The following ZBED1 variants were observed in gnomAD, a reference collection of about 807,000 sequenced individuals.
ZBED1 encodes the protein E3 SUMO-protein ligase ZBED1.
ZBED1 carries 19 observed loss-of-function variants against 49.7 expected under a neutral mutation model. The ratio of observed to expected loss-of-function variants is 0.38; its 90% CI spans 0.27 to 0.56. The LOEUF is 0.56. Among genes scored for constraint, ZBED1 ranks in the 20% least tolerant of loss-of-function variants. The probability of loss-of-function intolerance (pLI) is 0.70; values close to 1 mark genes in which losing one functional copy is unlikely to be tolerated. For missense variants in ZBED1, 806 were observed against 972.6 expected, an observed-to-expected ratio of 0.83 and a Z score of 2.28; for synonymous variants, 439 against 440.3, an observed-to-expected ratio of 1.00 and a Z score of 0.04.
chrX:2,490,460 C>T lies in ZBED1; in HGVS notation c.260G>A (p.Arg87His), dbSNP rs2045107171. The change falls in exon 2 of 2, where the codon CGT becomes CAT. Residue 87 changes from arginine to histidine, a missense_variant. Transcript: ENST00000652001. ...GGAGAAGGCGGTGGCGAAGGCTTCA[C>T]GCATCTGCTCCGTGTTGCTCTTGAC... ...EFVKSNTEQMREAFATAFSKL... is the reference protein window; with the variant it reads ...EFVKSNTEQMHEAFATAFSKL... 1.9e-6 allele frequency: 3 copies of T among 1,613,858 alleles called. No homozygotes were observed. The highest frequency in any genetic ancestry group is 1.3e-5 in the African/African-American group (1 of 74,924).
intron 1 of ZBED1, among the ~76,000 whole-genome samples, chrX:2,499,322 C>A (rs897453743): frequency 4.6e-5 from 7 of 152,170 alleles, no homozygotes; most frequent in African/African-American, 7.2e-5. Flanking sequence ...ACATTCAGGG[C>A]AACGTACACC....
Position 2,489,808 on chromosome X carries a change from C to A in ZBED1, c.912G>T (p.Gln304His), listed in dbSNP as rs1330492207. The change falls in exon 2 of 2, where the codon CAG becomes CAT. Residue 304 changes from glutamine to histidine, a missense_variant. Physicochemically the swap from Gln to His is conservative, Grantham distance 24. Around this residue, in one of 2 missense-constraint regions of ZBED1, gnomAD observed 749 missense variants for 861.3 expected, o/e 0.87. Transcript: ENST00000652001. ...ACAGCAGCGCCCCCAGCTTCGGGAGCTGGAAGGCCTGCTGGATGCCGGCAT... is the reference window on the plus strand; with the variant it reads ...ACAGCAGCGCCCCCAGCTTCGGGAGATGGAAGGCCTGCTGGATGCCGGCAT... ...TFNAGIQQAFQLPKLGALLSR... is the reference protein window; with the variant it reads ...TFNAGIQQAFHLPKLGALLSR... 11 of 1,613,448 alleles carry A rather than the reference C, an allele frequency of 6.8e-6. No homozygotes were observed. Among genetic ancestry groups the A allele is most frequent in the African/African-American group, 1.3e-5 (1 of 74,934 alleles).
rs2045093950 is a variant in ZBED1, at chrX:2,490,175, T to A, written c.545A>T (p.Glu182Val). ...CTCGGCCAGCTCCTTCAGGATCACC[T>A]CCCGGACGGCCCCGTACTTCTCAGG... ...AIPEKYGAVR[E>V]VILKELAEAT... The change falls in exon 2 of 2, where the codon GAG becomes GTG. Residue 182 changes from glutamate (E) to valine (V), a missense_variant. Coordinates refer to ENST00000652001, the MANE Select transcript of ZBED1 (RefSeq NM_001171136.2). 1 of 1,613,884 alleles carries A rather than the reference T, an allele frequency of 6.2e-7. No homozygotes were observed. Among genetic ancestry groups the A allele is most frequent in the Non-Finnish European group, 8.5e-7 (1 of 1,179,836 alleles).
At chrX:2,496,868 A>G (rs2045298312) in intron 1 of ZBED1, among the ~76,000 whole-genome samples, 2 of 148,946 alleles carry the variant, frequency 1.3e-5, no homozygotes, top group Admixed American at 1.3e-4. Flanking sequence ...AAAAGTATAA[A>G]TTATTCTAAA....
chrX:2,500,774 A>G lies in ZBED1; in HGVS notation c.-54+43T>C, dbSNP rs994189246. On this transcript the variant is annotated intron_variant, in intron 1 of 1. Transcript: ENST00000652001. ...CCCGCCCCCGAGCCAGCCCGCGCCC[A>G]CCCGGGTCCCCGGAGCCCTGACCCC... is the stretch of plus-strand genomic sequence containing the variant. The G allele has an allele frequency of 1.2e-5, 6 of 512,130 alleles. No individual in the cohort carries two copies. The African/African-American group carries it at 1.9e-4, about 16-fold the overall frequency. The allele number at this position is 512,130 out of a possible 1,614,324, so 31.7% of individuals were successfully genotyped here.
At chrX:2,490,867 C>A (rs2045119083) in intron 1 of ZBED1, 95 bp from the exon 2 acceptor site, 1 of 1,170,326 alleles carries the variant, frequency 8.5e-7, no homozygotes, top group African/African-American at 1.5e-5. Flanking sequence ...GGCAGCTCCG[C>A]TTTCAACCAA....
At chrX:2,499,018 C>A (rs2045348554) in intron 1 of ZBED1, among the ~76,000 whole-genome samples, 1 of 152,198 alleles carries the variant, frequency 6.6e-6, no homozygotes, top group African/African-American at 2.4e-5. Flanking sequence ...GCTTAGCTCA[C>A]AGAAAACTCA....
In ZBED1 at chrX:2,488,723, T is replaced by C; in HGVS notation, c.1997A>G (p.Glu666Gly). 6.2e-7 allele frequency: 1 copy of C among 1,613,570 alleles called. No individual in the cohort carries two copies. The highest frequency in any genetic ancestry group is 8.5e-7 in the Non-Finnish European group (1 of 1,179,790). The change falls in exon 2 of 2, where the codon GAG becomes GGG. Residue 666 changes from glutamate (E) to glycine (G), a missense_variant. Physicochemically the swap from Glu to Gly is moderately conservative, Grantham distance 98. This residue lies in a region of ZBED1 where 749 missense variants were observed against 861.3 expected (regional missense o/e 0.87). Coordinates refer to ENST00000652001, the MANE Select transcript of ZBED1 (RefSeq NM_001171136.2). ...CACCTGCTCCTGGTCCAGGCCCCAC[T>C]CCCCCTCGTCCTGGTCCTCGGGTTC... Reference protein sequence around the residue: ...EAEPEDQDEGEWGLDQEQVFS... With the variant: ...EAEPEDQDEGGWGLDQEQVFS...
chrX:2,500,847 G>A lies in ZBED1; in HGVS notation c.-84C>T, dbSNP rs1360012899. The A allele has an allele frequency of 4.4e-6, 5 of 1,139,004 alleles. No homozygotes were observed. Among genetic ancestry groups the A allele is most frequent in the Admixed American group, 4.7e-5 (1 of 21,440 alleles). The allele number at this position is 1,139,004 out of a possible 1,614,324, so 70.6% of individuals were successfully genotyped here. On this transcript the variant is annotated 5_prime_UTR_variant, in exon 1 of 2. Transcript: ENST00000652001. ...TCCAGGAAGCCCCCGCGGCAGCGCC[G>A]CAGCAGCTGCGCCAGGATCACCGCG... is the stretch of plus-strand genomic sequence containing the variant.
chrX:2,490,866 G>T, intron 1 of ZBED1, 94 bp from the exon 2 acceptor site: 1 of 1,167,164 alleles, frequency 8.6e-7, no homozygotes, highest in Non-Finnish European at 1.2e-6. Flanking sequence ...GGGCAGCTCC[G>T]CTTTCAACCA....
At chrX:2,497,482 G>C (rs1446451544) in intron 1 of ZBED1, among the ~76,000 whole-genome samples, 2 of 151,968 alleles carry the variant, frequency 1.3e-5, no homozygotes, top group Admixed American at 6.6e-5. Flanking sequence ...AAACCAACAA[G>C]AATTAACTTT....
Position 2,489,207 on chromosome X carries a change from G to A in ZBED1, c.1513C>T (p.Leu505=). The A allele has an allele frequency of 6.2e-7, 1 of 1,613,784 alleles. No individual in the cohort carries two copies. Among genetic ancestry groups the A allele is most frequent in the Non-Finnish European group, 8.5e-7 (1 of 1,179,870 alleles). The change falls in exon 2 of 2, where the codon CTG becomes TTG. Residue 505 remains leucine (L), a synonymous_variant. Transcript: ENST00000652001. The part of the protein sequence containing the change: ...NRVVEEAKGL[L]DKVKDGGYRP... ...TAGCCGCCGTCTTTGACCTTGTCCA[G>A]CAGGCCCTTGGCCTCTTCCACCACG...
chrX:2,490,213 A>T lies in ZBED1; in HGVS notation c.507T>A (p.Ser169=), dbSNP rs769232103. The change falls in exon 2 of 2, where the codon TCT becomes TCA. Residue 169 remains serine (S), a synonymous_variant. Coordinates refer to ENST00000652001, the MANE Select transcript of ZBED1 (RefSeq NM_001171136.2). ...RYELPSRKYI[S]TKAIPEKYGA... ...CGTACTTCTCAGGGATGGCCTTGGT[A>T]GAGATGTACTTCCGGCTGGGCAGCT... 1 of 1,613,754 alleles carries T rather than the reference A, an allele frequency of 6.2e-7. No individual in the cohort carries two copies. The highest frequency in any genetic ancestry group is 1.1e-5 in the South Asian group (1 of 91,068).
At chrX:2,499,085 T>TC (rs1401450160) in intron 1 of ZBED1, among the ~76,000 whole-genome samples, 1 of 152,212 alleles carries the variant, frequency 6.6e-6, no homozygotes, top group Admixed American at 6.5e-5. Flanking sequence ...AAACATCCAC[T>TC]CCAGGCACGC....
rs966401227 is a variant in ZBED1, at chrX:2,488,753, T to G, written c.1967A>C (p.Glu656Ala). The change falls in exon 2 of 2, where the codon GAG becomes GCG. Residue 656 changes from glutamate (E) to alanine (A), a missense_variant. Coordinates refer to ENST00000652001, the MANE Select transcript of ZBED1 (RefSeq NM_001171136.2). Reference sequence around the variant, plus strand: ...CTCGTCCTGGTCCTCGGGTTCCGCCTCTGCCCCACTCCGGGCGTTCTCATA... The same window carrying G: ...CTCGTCCTGGTCCTCGGGTTCCGCCGCTGCCCCACTCCGGGCGTTCTCATA... ...FLYENARSGA[E>A]AEPEDQDEGE... The G allele has an allele frequency of 6.2e-7, 1 of 1,613,812 alleles. No individual in the cohort carries two copies. The highest frequency in any genetic ancestry group is 8.5e-7 in the Non-Finnish European group (1 of 1,179,876).
At chrX:2,499,943 T>C (rs1338807594) in intron 1 of ZBED1, among the ~76,000 whole-genome samples, 1 of 151,870 alleles carries the variant, frequency 6.6e-6, no homozygotes, top group Non-Finnish European at 1.5e-5. Flanking sequence ...TTTGGGAGGC[T>C]GAGGCAGGAG....
At position 2,490,249 on chromosome X, in the gene ZBED1, G is replaced by A. The variant is rs2045097799; in HGVS notation, c.471C>T (p.Asp157=). The A allele has an allele frequency of 6.2e-7, 1 of 1,613,900 alleles. No homozygotes were observed. The change falls in exon 2 of 2, where the codon GAC becomes GAT. Residue 157 remains aspartate (D), a synonymous_variant. Transcript: ENST00000652001. ...TCCGGCTGGGCAGCTCATACCGGGG[G>A]TCGGCCGTCTTCAGCAGCACCTTGA... ...PTFKVLLKTA[D]PRYELPSRKY... is the part of the protein sequence containing the mutation.
intron 1 of ZBED1, 30 bp downstream of exon 1, chrX:2,500,787 G>A: frequency 9.4e-7 from 1 of 1,059,294 alleles, no homozygotes; most frequent in Non-Finnish European, 1.1e-6. Context: ...CGGGTCCCCG[G>A]AGCCCTGACC....
intron 1 of ZBED1, among the ~76,000 whole-genome samples, chrX:2,496,113 A>C (rs1358115718): frequency 6.6e-6 from 1 of 152,226 alleles, no homozygotes; most frequent in Non-Finnish European, 1.5e-5. Context: ...TCAGTGACCT[A>C]CTGCACAGCG....
Sources: allele counts gnomAD v4.1 joint callset (sites outside exome capture counted in the v4.1 genomes callset), GRCh38; gene constraint gnomAD v4.1.1; regional missense constraint gnomAD v4.1.1; transcripts MANE v1.5; gene names NCBI Gene and HGNC (gene_info 2026-07-23, HGNC 2026-07-21).